The following TAFA2 variants were observed in gnomAD, a reference collection of about 807,000 sequenced individuals.
TAFA2 encodes TAFA chemokine like family member 2, also known as chemokine-like protein TAFA-2.
In TAFA2, 7 loss-of-function variants were observed where a neutral mutation model predicts 18.8. The ratio of observed to expected loss-of-function variants is 0.37; its 90% CI spans 0.21 to 0.70. The LOEUF (loss-of-function observed/expected upper bound fraction) is 0.70. TAFA2 is among the 30% of genes least tolerant of loss of function. The probability of loss-of-function intolerance (pLI) is 0.53; values close to 1 mark genes in which losing one functional copy is unlikely to be tolerated. For missense variants in TAFA2, 122 were observed against 158.1 expected (o/e 0.77, Z 1.23); for synonymous variants, 60 against 54.2 (o/e 1.11, Z -0.47).
chr12:62,068,796 A>C (rs539279350), intron 1 of TAFA2, among the ~76,000 whole-genome samples: 4 of 152,186 alleles, frequency 2.6e-5, no homozygotes, highest in African/African-American at 4.8e-5. Context: ...GGAAATAAGA[A>C]CAAACAGACT....
chr12:61,831,070 T>C (rs1382740269), intron 2 of TAFA2, among the ~76,000 whole-genome samples: 1 of 152,108 alleles, frequency 6.6e-6, no homozygotes, highest in African/African-American at 2.4e-5. Context: ...AATTAGTGGG[T>C]CACCCTAGAC....
chr12:61,779,090 C>T (rs1287305942), intron 2 of TAFA2, among the ~76,000 whole-genome samples: 1 of 151,882 alleles, frequency 6.6e-6, no homozygotes, highest in Non-Finnish European at 1.5e-5. Flanking sequence ...AAACAAACCA[C>T]ATTTATCATC....
intron 1 of TAFA2, among the ~76,000 whole-genome samples, chr12:62,089,024 G>A (rs1221697073): frequency 6.6e-6 from 1 of 151,886 alleles, no homozygotes; most frequent in East Asian, 1.9e-4. Flanking sequence ...AGAAGTAGCA[G>A]CAATGAAAAA....
intron 1 of TAFA2, among the ~76,000 whole-genome samples, chr12:62,106,895 T>A (rs1869483831): frequency 1.3e-5 from 2 of 150,680 alleles, no homozygotes; most frequent in South Asian, 4.2e-4. Flanking sequence ...ACCTTTTTTT[T>A]ATTATTATTT....
At chr12:62,174,871 C>T (rs971234374) in intron 1 of TAFA2, among the ~76,000 whole-genome samples, 6 of 152,136 alleles carry the variant, frequency 3.9e-5, no homozygotes, top group African/African-American at 1.4e-4. Context: ...TAATATAGCA[C>T]TTATCATAAT....
chr12:61,912,260 A>C (rs889769268), intron 1 of TAFA2, among the ~76,000 whole-genome samples: 3 of 152,224 alleles, frequency 2.0e-5, no homozygotes, highest in African/African-American at 2.4e-5. Flanking sequence ...TTACACATAG[A>C]AAAATGCATG....
intron 1 of TAFA2, among the ~76,000 whole-genome samples, chr12:61,900,585 C>T (rs377556319): frequency 5.9e-5 from 9 of 152,246 alleles, no homozygotes; most frequent in East Asian, 5.8e-4. Flanking sequence ...AGGAGAAGTG[C>T]TGAGCAAAGG....
chr12:61,932,938 T>C (rs1313829036), intron 1 of TAFA2, among the ~76,000 whole-genome samples: 1 of 152,190 alleles, frequency 6.6e-6, no homozygotes. Flanking sequence ...TGTTAGATCC[T>C]AGCAGGCTTA....
At chr12:62,197,142 G>C (rs967024473), upstream of TAFA2, among the ~76,000 whole-genome samples, 1 of 152,188 alleles carries the variant, frequency 6.6e-6, no homozygotes. Context: ...ATGATCTGAG[G>C]TGGGATGGTT....
intron 1 of TAFA2, among the ~76,000 whole-genome samples, chr12:61,980,944 T>C (rs1215775330): frequency 6.6e-6 from 1 of 152,156 alleles, no homozygotes; most frequent in Non-Finnish European, 1.5e-5. Context: ...CTTCGCAGAA[T>C]TGGAAAAAAC....
intron 1 of TAFA2, among the ~76,000 whole-genome samples, chr12:62,119,205 T>C (rs1343408863): frequency 6.6e-6 from 1 of 152,138 alleles, no homozygotes; most frequent in East Asian, 1.9e-4. Flanking sequence ...TGGAAATTAT[T>C]ATTACATTAT....
chr12:61,896,513 T>C (rs962242532), intron 1 of TAFA2, among the ~76,000 whole-genome samples: 1 of 152,214 alleles, frequency 6.6e-6, no homozygotes, highest in African/African-American at 2.4e-5. Flanking sequence ...GTTCCTGATA[T>C]TACTAGGCCA....
At chr12:62,121,478 T>A (rs930787603) in intron 1 of TAFA2, among the ~76,000 whole-genome samples, 1 of 152,194 alleles carries the variant, frequency 6.6e-6, no homozygotes, top group African/African-American at 2.4e-5. Flanking sequence ...TTCCCATGAA[T>A]GCTGTCAGAA....
At chr12:62,007,542 T>A (rs1260880787) in intron 1 of TAFA2, among the ~76,000 whole-genome samples, 1 of 152,180 alleles carries the variant, frequency 6.6e-6, no homozygotes, top group African/African-American at 2.4e-5. Context: ...TCAGGAACAC[T>A]ACAGAGATAA....
intron 2 of TAFA2, among the ~76,000 whole-genome samples, chr12:61,855,499 G>C (rs915074018): frequency 2.6e-5 from 4 of 152,084 alleles, no homozygotes; most frequent in African/African-American, 9.7e-5. Context: ...ACAGGGGTGG[G>C]AGAAAGGAGA....
At chr12:61,729,420 T>A (rs1439282067) in intron 4 of TAFA2, among the ~76,000 whole-genome samples, 2 of 151,842 alleles carry the variant, frequency 1.3e-5, no homozygotes, top group Admixed American at 6.6e-5. Flanking sequence ...ATTAATTTTT[T>A]AAATTTTTTT....
chr12:62,126,190 G>T (rs1275357263), intron 1 of TAFA2, among the ~76,000 whole-genome samples: 1 of 152,030 alleles, frequency 6.6e-6, no homozygotes, highest in East Asian at 1.9e-4. Context: ...TCTACTCGCT[G>T]ACAAGCATTA....
chr12:62,160,950 A>C (rs2062403124), intron 1 of TAFA2, among the ~76,000 whole-genome samples: 1 of 152,128 alleles, frequency 6.6e-6, no homozygotes, highest in Non-Finnish European at 1.5e-5. Flanking sequence ...TGGAAAATGA[A>C]TGAATGAATG....
At chr12:62,141,777 T>C (rs1355933274) in intron 1 of TAFA2, among the ~76,000 whole-genome samples, 2 of 152,238 alleles carry the variant, frequency 1.3e-5, no homozygotes, top group African/African-American at 4.8e-5. Flanking sequence ...TAGTTAGTTC[T>C]GCACAGGGCT....
Sources: gnomAD v4.1 joint callset for allele counts (sites outside exome capture counted in the v4.1 genomes callset) on GRCh38, gnomAD v4.1.1 for gene constraint, MANE v1.5 for transcripts, NCBI Gene and HGNC (gene_info 2026-07-23, HGNC 2026-07-21) for gene names.